Variants in SPAG16 observed in about 807,000 individuals in gnomAD.
The protein encoded by SPAG16 is sperm-associated antigen 16 protein.
SPAG16 carries 86 observed loss-of-function variants against 80.4 expected under a neutral mutation model. The ratio of observed to expected loss-of-function variants is 1.07; its 90% CI spans 0.90 to 1.28. The LOEUF (loss-of-function observed/expected upper bound fraction) is 1.28. SPAG16 is among the 50% of genes most tolerant of loss of function. The probability of loss-of-function intolerance (pLI) is 0.00; values close to 1 mark genes in which losing one functional copy is unlikely to be tolerated. For missense variants in SPAG16, 870 were observed against 765.3 expected (o/e 1.14, Z -1.61); for synonymous variants, 294 against 265.9 (o/e 1.11, Z -1.03).
At chr2:213,590,186 CTG>C (rs2060634367) in intron 10 of SPAG16, among the ~76,000 whole-genome samples, 1 of 152,114 alleles carries the variant, frequency 6.6e-6, no homozygotes, top group South Asian at 2.1e-4. Context: ...TAAATTCTAA[CTG>C]TTTTTACACG....
chr2:213,702,370 A>C (rs997040414), intron 10 of SPAG16, among the ~76,000 whole-genome samples: 1 of 152,136 alleles, frequency 6.6e-6, no homozygotes, highest in Non-Finnish European at 1.5e-5. Flanking sequence ...TTTGCAATAA[A>C]TCTTGCTGCT....
chr2:214,173,910 G>C (rs1413559694), intron 15 of SPAG16, among the ~76,000 whole-genome samples: 1 of 151,876 alleles, frequency 6.6e-6, no homozygotes, highest in East Asian at 1.9e-4. Context: ...GGGATGCAAG[G>C]CTGGTTCAAT....
At chr2:213,567,429 G>T (rs1182312944) in intron 10 of SPAG16, among the ~76,000 whole-genome samples, 1 of 103,372 alleles carries the variant, frequency 9.7e-6, no homozygotes, top group Non-Finnish European at 1.8e-5. Context: ...TCCCCTTCCT[G>T]TGTCCATGTG....
At chr2:213,952,976 C>T (rs976690325) in intron 12 of SPAG16, among the ~76,000 whole-genome samples, 1 of 151,948 alleles carries the variant, frequency 6.6e-6, no homozygotes, top group Non-Finnish European at 1.5e-5. Flanking sequence ...ACAAACTGGA[C>T]AGGTAAACAC....
At chr2:214,257,387 G>T (rs776410347) in intron 15 of SPAG16, among the ~76,000 whole-genome samples, 1 of 151,726 alleles carries the variant, frequency 6.6e-6, no homozygotes. Context: ...ATCCTATTGC[G>T]CTCTTAAGAC....
intron 10 of SPAG16, among the ~76,000 whole-genome samples, chr2:213,844,568 A>G (rs1398517456): frequency 6.6e-6 from 1 of 152,208 alleles, no homozygotes; most frequent in African/African-American, 2.4e-5. Context: ...AATACTTCAG[A>G]TTATAAATCT....
chr2:214,367,410 T>G (rs1404589713), intron 15 of SPAG16, among the ~76,000 whole-genome samples: 1 of 152,200 alleles, frequency 6.6e-6, no homozygotes, highest in East Asian at 1.9e-4. Context: ...TATTCTGGTA[T>G]GAGAGGGAGG....
intron 13 of SPAG16, among the ~76,000 whole-genome samples, chr2:214,049,515 T>C (rs936732387): frequency 6.6e-6 from 1 of 152,264 alleles, no homozygotes. Flanking sequence ...ATTGTAAATA[T>C]ATTTCTAGTG....
In SPAG16 at chr2:213,552,299, G is replaced by A. The variant is rs186878195; in HGVS notation, c.1070+62209G>A. Among the ~76,000 whole-genome samples, 8 of 152,092 alleles carry A rather than the reference G, an allele frequency of 5.3e-5. No individual in the cohort carries two copies. The East Asian group carries it at 1.6e-3, about 30-fold the overall frequency. On this transcript the variant is annotated intron_variant, in intron 10 of 15. Transcript: ENST00000331683. The stretch of plus-strand genomic sequence containing the variant: ...GTGGACTCTGCAGGTTTCTAAAATT[G>A]CTTGATTTCCCTACCCTCCACCAAC...
chr2:214,359,940 G>A (rs747715892), intron 15 of SPAG16, among the ~76,000 whole-genome samples: 2 of 151,834 alleles, frequency 1.3e-5, no homozygotes, highest in Non-Finnish European at 2.9e-5. Flanking sequence ...AGAAGATTTA[G>A]TCTACAATTG....
intron 15 of SPAG16, among the ~76,000 whole-genome samples, chr2:214,372,888 A>AAAT (rs1326685778): frequency 2.0e-5 from 3 of 152,156 alleles, no homozygotes; most frequent in Admixed American, 2.0e-4. Context: ...TTAAGATTAG[A>AAAT]AATAAAACTT....
At chr2:213,659,998 G>C (rs1287785393) in intron 10 of SPAG16, among the ~76,000 whole-genome samples, 1 of 151,902 alleles carries the variant, frequency 6.6e-6, no homozygotes, top group African/African-American at 2.4e-5. Context: ...TAAGATGACT[G>C]GCCCCTACCT....
intron 9 of SPAG16, among the ~76,000 whole-genome samples, chr2:213,465,427 C>A (rs996616071): frequency 6.6e-6 from 1 of 152,166 alleles, no homozygotes; most frequent in Non-Finnish European, 1.5e-5. Flanking sequence ...GTCCATTCTG[C>A]ATCCTCTAAG....
At chr2:214,405,469 A>G (rs6742966) in intron 15 of SPAG16, among the ~76,000 whole-genome samples, 48,325 of 152,098 alleles carry the variant, frequency 0.32, 8,926 homozygotes, top group South Asian at 0.48. Context: ...TAAATGAAGC[A>G]AGACTTTTTG....
At chr2:214,183,691 A>G (rs1480559063) in intron 15 of SPAG16, among the ~76,000 whole-genome samples, 3 of 152,174 alleles carry the variant, frequency 2.0e-5, no homozygotes, top group East Asian at 1.9e-4. Flanking sequence ...CTCCTGTCTC[A>G]TTTTAGCTCA....
chr2:213,382,732 G>A (rs1351485841), intron 9 of SPAG16, among the ~76,000 whole-genome samples: 1 of 152,218 alleles, frequency 6.6e-6, no homozygotes, highest in Non-Finnish European at 1.5e-5. Flanking sequence ...TCTGGCACAA[G>A]CATATTGCTA....
chr2:213,361,483 A>G (rs377150617), intron 7 of SPAG16, among the ~76,000 whole-genome samples: 12 of 151,450 alleles, frequency 7.9e-5, no homozygotes, highest in African/African-American at 2.9e-4. Context: ...ACCAGTAATG[A>G]ACATATCCAG....
At chr2:213,550,809 G>A (rs1439621518) in intron 10 of SPAG16, among the ~76,000 whole-genome samples, 1 of 152,036 alleles carries the variant, frequency 6.6e-6, no homozygotes, top group Non-Finnish European at 1.5e-5. Flanking sequence ...TGACTTTAAT[G>A]GGAATGTACC....
chr2:213,951,765 C>G (rs2079793839), intron 12 of SPAG16, among the ~76,000 whole-genome samples: 1 of 152,086 alleles, frequency 6.6e-6, no homozygotes. Flanking sequence ...AACTCACTGG[C>G]TGACGTTGAG....
Sources: gnomAD v4.1 joint callset for allele counts (sites outside exome capture counted in the v4.1 genomes callset) on GRCh38, gnomAD v4.1.1 for gene constraint, MANE v1.5 for transcripts, NCBI Gene and HGNC (gene_info 2026-07-23, HGNC 2026-07-21) for gene names.